The following RAPGEF1 variants were observed in gnomAD, a reference collection of about 807,000 sequenced individuals.
RAPGEF1 encodes the protein CRK SH3-binding GNRP.
Under a neutral mutation model 143.3 loss-of-function variants are expected in RAPGEF1, and 33 were observed. The observed-to-expected ratio is 0.23, with a 90% CI of 0.17 to 0.31. The LOEUF is 0.31. RAPGEF1 is among the 10% of genes least tolerant of loss of function. RAPGEF1 has a pLI of 1.00. For missense variants in RAPGEF1, 1,199 were observed against 1,645.4 expected (o/e 0.73, Z 4.69); for synonymous variants, 629 against 676.5 (o/e 0.93, Z 1.09).
At chr9:131,614,631 C>T (rs565812047) in intron 12 of RAPGEF1, among the ~76,000 whole-genome samples, 9 of 152,334 alleles carry the variant, frequency 5.9e-5, no homozygotes, top group South Asian at 2.1e-4. Context: ...CATTTCCCAG[C>T]GAGGGGACGC....
intron 19 of RAPGEF1, 41 bp downstream of exon 19, chr9:131,589,845 C>T: frequency 6.4e-7 from 1 of 1,565,148 alleles, no homozygotes; most frequent in South Asian, 1.1e-5. Flanking sequence ...GAGCCTTTGC[C>T]TCCCCACTGG....
chr9:131,628,991 C>T lies in RAPGEF1; in HGVS notation c.893+111G>A, dbSNP rs544489462. ...TGGGGACAGCTCCAGAGTCAGCCTC[C>T]CAAGGGGGGCCAAGCCCTCAGCGCT... On this transcript the variant is annotated intron_variant, in intron 7 of 26. Coordinates refer to ENST00000683357, the MANE Select transcript of RAPGEF1 (RefSeq NM_001377935.1). This position sits in a 1 kb window ranked among gnomAD's most constrained non-coding sequence, Gnocchi z 5.7. The T allele has an allele frequency of 1.9e-4, 266 of 1,407,908 alleles. 1 individual carries two copies. In the South Asian group the frequency reaches 3.6e-3, roughly 19 times the overall value. 87.2% of individuals were successfully genotyped at this position (1,407,908 alleles called of 1,614,324 possible). A position where few individuals can be genotyped will look rare whatever the true frequency, so the allele number is the denominator to read the frequency against.
chr9:131,595,967 T>TAAA (rs1044092359), intron 17 of RAPGEF1, among the ~76,000 whole-genome samples: 5 of 152,348 alleles, frequency 3.3e-5, no homozygotes, highest in Admixed American at 1.3e-4. Flanking sequence ...ACCTGCATGT[T>TAAA]ATCTTAAGTT....
intron 3 of RAPGEF1, among the ~76,000 whole-genome samples, chr9:131,644,367 C>G (rs572719289): frequency 1.5e-4 from 22 of 150,094 alleles, no homozygotes; most frequent in African/African-American, 5.4e-4. Context: ...GTCTCTGAAC[C>G]TGTTCTGGTT....
intron 17 of RAPGEF1, among the ~76,000 whole-genome samples, chr9:131,592,927 C>G (rs4740293): frequency 0.87 from 131,817 of 151,768 alleles, 57,402 homozygotes; most frequent in African/African-American, 0.94. Flanking sequence ...GATTTTAATA[C>G]AGACAAGGTT....
chr9:131,700,461 CATAT>C (rs1324973448), intron 1 of RAPGEF1, among the ~76,000 whole-genome samples: 1 of 152,154 alleles, frequency 6.6e-6, no homozygotes, highest in Admixed American at 6.5e-5. Context: ...TATACTTGTT[CATAT>C]GTAAACTAAA....
At chr9:131,581,131 A>C (rs951987906) in intron 25 of RAPGEF1, among the ~76,000 whole-genome samples, 5 of 151,334 alleles carry the variant, frequency 3.3e-5, no homozygotes, top group Non-Finnish European at 7.4e-5. Context: ...CGTAACAAGA[A>C]CTCCAGCCTG....
rs1016099614 is a variant in RAPGEF1 at position 131,667,338 on chromosome 9, C to T, written c.62-16389G>A. ...ACAGATGAGGAGACCGAGTCACAGG[C>T]GGCTTCCTGCTCGCCTTAGGCAGGG... is the stretch of plus-strand genomic sequence containing the variant. On this transcript the variant is annotated intron_variant, in intron 1 of 26. Transcript: ENST00000683357. The surrounding 1 kb of genome is among the most constrained non-coding windows in gnomAD (Gnocchi z 4.6). 3.3e-5 allele frequency among the ~76,000 whole-genome samples: 5 copies of T among 151,972 alleles called. No homozygotes were observed. The highest frequency in any genetic ancestry group is 3.9e-4 in the East Asian group (2 of 5,122).
At chr9:131,580,716 AT>A (rs1045315957) in intron 25 of RAPGEF1, among the ~76,000 whole-genome samples, 25 of 152,088 alleles carry the variant, frequency 1.6e-4, no homozygotes, top group African/African-American at 5.1e-4. Context: ...AAAAAAAAAA[AT>A]AACAAAACCC....
chr9:131,700,061 C>A (rs1043360900), intron 1 of RAPGEF1, among the ~76,000 whole-genome samples: 1 of 152,212 alleles, frequency 6.6e-6, no homozygotes, highest in Non-Finnish European at 1.5e-5. Flanking sequence ...AGCTCTCCTG[C>A]TTCGAAAGTC....
chr9:131,730,401 G>A (rs1438529315), intron 1 of RAPGEF1, among the ~76,000 whole-genome samples: 2 of 151,290 alleles, frequency 1.3e-5, no homozygotes, highest in Non-Finnish European at 3.0e-5. Flanking sequence ...CCAGCCTTAG[G>A]CTGGGAGGTG....
intron 3 of RAPGEF1, among the ~76,000 whole-genome samples, chr9:131,649,299 C>T (rs1588753352): frequency 6.7e-6 from 1 of 149,694 alleles, no homozygotes; most frequent in East Asian, 2.0e-4. Context: ...AGGTGATCCG[C>T]CTGCCTCAGC....
chr9:131,628,736 T>C lies in RAPGEF1; in HGVS notation c.894-64A>G, dbSNP rs576129838. On this transcript the variant is annotated intron_variant, in intron 7 of 26. Transcript: ENST00000683357. This position sits in a 1 kb window ranked among gnomAD's most constrained non-coding sequence, Gnocchi z 5.7. ...CTCACCAAAGCTCTTCAGCGTGATA[T>C]TGGGGTACAGGATGTGGGGTTCTTT... is the stretch of plus-strand genomic sequence containing the variant. 7.9e-6 allele frequency: 12 copies of C among 1,526,566 alleles called. No individual in the cohort carries two copies. The Admixed American group carries it at 2.2e-4, about 28-fold the overall frequency. The allele number at this position is 1,526,566 out of a possible 1,614,324, so 94.6% of individuals were successfully genotyped here.
chr9:131,605,683 G>T (rs1226454903), intron 12 of RAPGEF1, among the ~76,000 whole-genome samples: 2 of 152,226 alleles, frequency 1.3e-5, no homozygotes, highest in African/African-American at 4.8e-5. Context: ...CTTAAGCGTG[G>T]CTGGCAAGCT....
intron 17 of RAPGEF1, among the ~76,000 whole-genome samples, chr9:131,592,967 TCTTGGCCTCAAGTGATTCACTCAG>T (rs1327256962): frequency 3.9e-5 from 6 of 152,198 alleles, no homozygotes; most frequent in Admixed American, 2.0e-4. Context: ...AGTCTCAAAC[TCTTGGCCTCAAGTGATTCACTCAG>T]CTTGGCCTCC....
intron 5 of RAPGEF1, among the ~76,000 whole-genome samples, chr9:131,633,906 G>A (rs965490758): frequency 3.3e-5 from 5 of 152,340 alleles, no homozygotes; most frequent in African/African-American, 1.2e-4. Context: ...ACCTCCTACT[G>A]AAGGTAGAAT....
intron 1 of RAPGEF1, among the ~76,000 whole-genome samples, chr9:131,676,006 ATCCT>A (rs1388266986): frequency 6.6e-6 from 1 of 151,524 alleles, no homozygotes; most frequent in East Asian, 1.9e-4. Context: ...GGCTCAAGTG[ATCCT>A]TCCACCTTGG....
chr9:131,580,388 C>T lies in RAPGEF1; in HGVS notation c.3516G>A (p.Gly1172=), dbSNP rs770913112. 1.2e-6 allele frequency: 2 copies of T among 1,613,030 alleles called. No individual in the cohort carries two copies. Among genetic ancestry groups the T allele is most frequent in the Admixed American group, 1.7e-5 (1 of 59,918 alleles). The change falls in exon 26 of 27, where the codon GGG becomes GGA. Residue 1172 remains glycine, a synonymous_variant. Transcript: ENST00000683357. The stretch of plus-strand genomic sequence containing the variant: ...CGAAGGTCAGGTCCTGCAGGATCAG[C>T]CCCCTGGGAGGACGGGTTAGGCAGC... ...EVEPPCIPYL[G]LILQDLTFVH... is the part of the protein sequence containing the mutation.
At chr9:131,662,546 A>AT (rs1478861932) in intron 1 of RAPGEF1, among the ~76,000 whole-genome samples, 4 of 143,542 alleles carry the variant, frequency 2.8e-5, no homozygotes, top group African/African-American at 1.0e-4. Context: ...TTTTTGTTTT[A>AT]TTTTGTTTTT....
Sources: gnomAD v4.1 joint callset for allele counts (sites outside exome capture counted in the v4.1 genomes callset) on GRCh38, gnomAD v4.1.1 for gene constraint, Gnocchi (gnomAD v3.1) non-coding constraint, MANE v1.5 for transcripts, NCBI Gene and HGNC (gene_info 2026-07-23, HGNC 2026-07-21) for gene names.